The following POU6F2 variants were observed in gnomAD, a reference collection of about 807,000 sequenced individuals.
The protein encoded by POU6F2 is POU domain, class 6, transcription factor 2.
POU6F2 carries 31 observed loss-of-function variants against 71.3 expected under a neutral mutation model. The observed-to-expected ratio is 0.43, with a 90% CI of 0.33 to 0.59. POU6F2 has a LOEUF of 0.59. Among genes scored for constraint, POU6F2 ranks in the 20% least tolerant of loss-of-function variants. POU6F2 has a pLI of 0.04. For missense variants in POU6F2, 783 were observed against 856.8 expected, an observed-to-expected ratio of 0.91 and a Z score of 1.07; for synonymous variants, 347 against 355.7, an observed-to-expected ratio of 0.98 and a Z score of 0.27.
chr7:39,357,310 G>T (rs1032839666), intron 5 of POU6F2, among the ~76,000 whole-genome samples: 1 of 152,100 alleles, frequency 6.6e-6, no homozygotes, highest in Non-Finnish European at 1.5e-5. Context: ...AACACTGCTG[G>T]GCACTTAACA....
At chr7:39,175,896 G>GC (rs1793318293) in intron 2 of POU6F2, among the ~76,000 whole-genome samples, 1 of 152,162 alleles carries the variant, frequency 6.6e-6, no homozygotes, top group African/African-American at 2.4e-5. Flanking sequence ...ACTCCACTGA[G>GC]CAGAAGGATT....
At chr7:39,192,274 A>G (rs1484048626) in intron 2 of POU6F2, among the ~76,000 whole-genome samples, 1 of 152,206 alleles carries the variant, frequency 6.6e-6, no homozygotes, top group Non-Finnish European at 1.5e-5. Context: ...ACAAGAGTGG[A>G]TTGCAAATGC....
chr7:39,228,214 C>G (rs551471208), intron 4 of POU6F2, among the ~76,000 whole-genome samples: 1 of 152,016 alleles, frequency 6.6e-6, no homozygotes, highest in African/African-American at 2.4e-5. Context: ...TACTTTGAGT[C>G]CATTGTTTTT....
intron 1 of POU6F2, among the ~76,000 whole-genome samples, chr7:39,046,373 A>G (rs1179787719): frequency 6.6e-6 from 1 of 151,910 alleles, no homozygotes; most frequent in African/African-American, 2.4e-5. Flanking sequence ...TCTGATTTTC[A>G]AATATTTTCC....
intron 2 of POU6F2, among the ~76,000 whole-genome samples, chr7:39,187,309 C>T (rs1793560633): frequency 1.3e-5 from 2 of 152,230 alleles, no homozygotes; most frequent in Admixed American, 6.5e-5. Flanking sequence ...TAACCACTGA[C>T]AGGCATCCTG....
intron 2 of POU6F2, among the ~76,000 whole-genome samples, chr7:39,195,192 C>T (rs1265119904): frequency 1.3e-5 from 2 of 152,136 alleles, no homozygotes; most frequent in Non-Finnish European, 2.9e-5. Context: ...TGTGAAATCT[C>T]AAAATCTGGG....
At chr7:39,332,167 T>C (rs1165382733) in intron 4 of POU6F2, among the ~76,000 whole-genome samples, 1 of 152,220 alleles carries the variant, frequency 6.6e-6, no homozygotes, top group Non-Finnish European at 1.5e-5. Context: ...AGCTTTGATT[T>C]TTCCTGAATT....
intron 9 of POU6F2, among the ~76,000 whole-genome samples, chr7:39,461,651 G>T (rs773567476): frequency 6.6e-6 from 1 of 152,150 alleles, no homozygotes; most frequent in Non-Finnish European, 1.5e-5. Flanking sequence ...TGCAGTTTAA[G>T]ACTAAGGTTA....
chr7:39,356,569 A>T (rs549532768), intron 5 of POU6F2, among the ~76,000 whole-genome samples: 1 of 152,218 alleles, frequency 6.6e-6, no homozygotes, highest in Non-Finnish European at 1.5e-5. Flanking sequence ...TTAAGAACAG[A>T]CACAATGTCT....
At chr7:39,304,246 C>T (rs957026068) in intron 4 of POU6F2, among the ~76,000 whole-genome samples, 1 of 152,150 alleles carries the variant, frequency 6.6e-6, no homozygotes, top group African/African-American at 2.4e-5. Context: ...CAATCAGTAA[C>T]GAAGGGGCTG....
chr7:39,022,903 G>A (rs1328191414), intron 1 of POU6F2, among the ~76,000 whole-genome samples: 2 of 152,150 alleles, frequency 1.3e-5, no homozygotes, highest in African/African-American at 4.8e-5. Flanking sequence ...GTATACGTCT[G>A]ACATTATAAG....
chr7:39,146,629 C>T (rs1265488521), intron 2 of POU6F2, among the ~76,000 whole-genome samples: 1 of 152,220 alleles, frequency 6.6e-6, no homozygotes, highest in Non-Finnish European at 1.5e-5. Flanking sequence ...AGAGATGTAG[C>T]TCAGCCTGAG....
In POU6F2 at chr7:39,370,366, G is replaced by T. The variant is rs76414380; in HGVS notation, c.972+30351G>T. On this transcript the variant is annotated intron_variant, in intron 5 of 9. Coordinates refer to ENST00000518318, the MANE Select transcript of POU6F2 (RefSeq NM_001370959.1). ...TAAACGGTGTAGGAAGACAGCAGTT[G>T]CTCTCAAAGACCCAAAGAGGAGCCA... is the stretch of plus-strand genomic sequence containing the variant. Among the ~76,000 whole-genome samples the T allele has an allele frequency of 8.1e-3, 1,239 of 152,294 alleles. 13 individuals carry two copies. Among genetic ancestry groups the T allele is most frequent in the African/African-American group, 0.027 (1,141 of 41,564 alleles).
At chr7:38,989,021 A>T (rs1647109567) in intron 1 of POU6F2, among the ~76,000 whole-genome samples, 1 of 152,032 alleles carries the variant, frequency 6.6e-6, no homozygotes, top group Non-Finnish European at 1.5e-5. Context: ...GTCCTGGAAG[A>T]TGATCCTTTT....
In POU6F2 at chr7:39,235,744, C is replaced by T. The variant is rs563968364; in HGVS notation, c.598+28124C>T. On this transcript the variant is annotated intron_variant, in intron 4 of 9. Coordinates refer to ENST00000518318, the MANE Select transcript of POU6F2 (RefSeq NM_001370959.1). Reference sequence around the variant, plus strand: ...GCTGCAGATAATTCACCTTTGCAAACTGTCACTTTCCACCGTCACCAGAAG... The same window carrying T: ...GCTGCAGATAATTCACCTTTGCAAATTGTCACTTTCCACCGTCACCAGAAG... Among the ~76,000 whole-genome samples the T allele has an allele frequency of 2.0e-5, 3 of 152,282 alleles. No homozygotes were observed. In the South Asian group the frequency reaches 6.2e-4, roughly 32 times the overall value.
rs368700023 is a variant in POU6F2 at position 39,460,627 on chromosome 7, C to T, written c.1570C>T (p.Arg524Cys). ...REFAKAFKIR[R>C]LSLGLTQTQV... ...ATTTGCCAAAGCTTTTAAAATCCGG[C>T]GCCTGTCCCTTGGCCTGACCCAGAC... Residue 524 changes from arginine (R) to cysteine (C), a missense_variant, in exon 9 of 10, where the codon CGC (arginine) becomes TGC (cysteine). Coordinates refer to ENST00000518318, the MANE Select transcript of POU6F2 (RefSeq NM_001370959.1). The surrounding 1 kb of genome is among the most constrained non-coding windows in gnomAD (Gnocchi z 4.4). 5 of 1,610,310 alleles carry T rather than the reference C, an allele frequency of 3.1e-6. No individual in the cohort carries two copies. Among genetic ancestry groups the T allele is most frequent in the Non-Finnish European group, 4.2e-6 (5 of 1,178,334 alleles).
intron 6 of POU6F2, among the ~76,000 whole-genome samples, chr7:39,427,107 C>T (rs930541412): frequency 2.0e-5 from 3 of 152,206 alleles, no homozygotes; most frequent in Admixed American, 1.3e-4. Context: ...CCAGGAGTTA[C>T]CACACAAGCA....
chr7:39,211,933 C>T (rs1473979467), intron 4 of POU6F2, among the ~76,000 whole-genome samples: 1 of 152,202 alleles, frequency 6.6e-6, no homozygotes, highest in Non-Finnish European at 1.5e-5. Context: ...TTTGTCTCCT[C>T]TAAGGTCAGG....
At chr7:39,105,052 T>C (rs1212565217) in intron 2 of POU6F2, among the ~76,000 whole-genome samples, 2 of 152,198 alleles carry the variant, frequency 1.3e-5, no homozygotes, top group Non-Finnish European at 2.9e-5. Context: ...GGGTTTTTAC[T>C]CAATAAGCAT....
Sources: allele counts gnomAD v4.1 joint callset (sites outside exome capture counted in the v4.1 genomes callset), GRCh38; gene constraint gnomAD v4.1.1; non-coding constraint Gnocchi (gnomAD v3.1); transcripts MANE v1.5; gene names NCBI Gene and HGNC (gene_info 2026-07-23, HGNC 2026-07-21).